Variants in CNTNAP5 observed in about 807,000 individuals in gnomAD.
CNTNAP5 encodes contactin-associated protein-like 5.
CNTNAP5 carries 72 observed loss-of-function variants against 150.2 expected under a neutral mutation model. The ratio of observed to expected loss-of-function variants is 0.48; its 90% CI spans 0.40 to 0.58. The LOEUF is 0.58. Ranked by LOEUF, CNTNAP5 falls within the 20% of genes least tolerant of loss-of-function variation. The probability of loss-of-function intolerance (pLI) is 0.00; values close to 1 mark genes in which losing one functional copy is unlikely to be tolerated. For synonymous variants in CNTNAP5, 672 were observed against 619.8 expected, an observed-to-expected ratio of 1.08 and a Z score of -1.25; for missense variants, 1,636 against 1,626.2, an observed-to-expected ratio of 1.01 and a Z score of -0.10.
At chr2:124,518,326 T>C (rs1209624189) in intron 8 of CNTNAP5, among the ~76,000 whole-genome samples, 1 of 152,188 alleles carries the variant, frequency 6.6e-6, no homozygotes, top group East Asian at 1.9e-4. Flanking sequence ...GTAATAACAA[T>C]TGACTAGAAT....
chr2:124,420,426 A>T (rs1194404420), intron 4 of CNTNAP5, among the ~76,000 whole-genome samples: 1 of 151,816 alleles, frequency 6.6e-6, no homozygotes, highest in Non-Finnish European at 1.5e-5. Context: ...TCTCTCTAAA[A>T]CTTCTCTTTA....
intron 1 of CNTNAP5, among the ~76,000 whole-genome samples, chr2:124,181,947 A>G (rs1685220000): frequency 1.3e-5 from 2 of 152,134 alleles, no homozygotes; most frequent in Admixed American, 6.5e-5. Flanking sequence ...TGGATCTAAG[A>G]TATGTTGAGA....
At chr2:124,160,257 G>A (rs954745809) in intron 1 of CNTNAP5, among the ~76,000 whole-genome samples, 1 of 152,166 alleles carries the variant, frequency 6.6e-6, no homozygotes, top group Non-Finnish European at 1.5e-5. Flanking sequence ...GGCAAAGAAA[G>A]AGAATATTAT....
At chr2:124,532,390 TTCAAAGAG>T (rs1695130675) in intron 10 of CNTNAP5, among the ~76,000 whole-genome samples, 2 of 152,070 alleles carry the variant, frequency 1.3e-5, no homozygotes, top group Admixed American at 6.6e-5. Context: ...GTGAGCCAGG[TTCAAAGAG>T]TCTCTGCCCC....
intron 3 of CNTNAP5, among the ~76,000 whole-genome samples, chr2:124,403,122 G>C (rs926935482): frequency 3.9e-5 from 6 of 152,180 alleles, no homozygotes; most frequent in Admixed American, 6.5e-5. Flanking sequence ...ACTTTAGTTT[G>C]TACTCTTCTG....
At chr2:124,610,735 C>A (rs186358391) in intron 12 of CNTNAP5, among the ~76,000 whole-genome samples, 2 of 152,186 alleles carry the variant, frequency 1.3e-5, no homozygotes, top group African/African-American at 4.8e-5. Flanking sequence ...CCTAGGCAGG[C>A]AGACCACGAG....
chr2:124,374,101 G>T (rs562761703), intron 3 of CNTNAP5, among the ~76,000 whole-genome samples: 1 of 152,010 alleles, frequency 6.6e-6, no homozygotes. Context: ...TTGTAATAAA[G>T]AGACTGGTAC....
intron 6 of CNTNAP5, among the ~76,000 whole-genome samples, chr2:124,453,107 C>A: frequency 6.6e-6 from 1 of 151,092 alleles, no homozygotes; most frequent in Middle Eastern, 3.2e-3. Context: ...AGTCAAAGCC[C>A]AACATAAGGA....
intron 17 of CNTNAP5, among the ~76,000 whole-genome samples, chr2:124,776,621 A>G (rs1168327041): frequency 2.6e-5 from 4 of 152,150 alleles, no homozygotes; most frequent in Admixed American, 6.6e-5. Context: ...AGTAACTTAT[A>G]TTTTATGCTT....
In CNTNAP5 at chr2:124,517,559, A is replaced by G. The variant is rs555709944; in HGVS notation, c.1328-6744A>G. 5.6e-5 allele frequency among the ~76,000 whole-genome samples: 8 copies of G among 142,916 alleles called. No homozygotes were observed. The South Asian group carries it at 1.2e-3, about 22-fold the overall frequency. 93.8% of individuals were successfully genotyped at this position (142,916 alleles called of 152,430 possible). On this transcript the variant is annotated intron_variant, in intron 8 of 23. Coordinates refer to ENST00000682447, the MANE Select transcript of CNTNAP5 (RefSeq NM_001367498.1). The stretch of plus-strand genomic sequence containing the variant: ...GTGATGGAGGGTTGTAGTGTTGGTG[A>G]TGGAGGGTTGTGGTGTTGGTGATGG...
chr2:124,278,848 G>A (rs1160605745), intron 3 of CNTNAP5, among the ~76,000 whole-genome samples: 1 of 151,986 alleles, frequency 6.6e-6, no homozygotes, highest in Non-Finnish European at 1.5e-5. Flanking sequence ...TGTGTCCTAA[G>A]TTCAGTATGA....
chr2:124,597,098 T>C (rs1184004389), intron 11 of CNTNAP5, among the ~76,000 whole-genome samples: 3 of 150,880 alleles, frequency 2.0e-5, no homozygotes, highest in African/African-American at 7.3e-5. Context: ...CTTTATCCAA[T>C]TTGCCAGTCT....
At chr2:124,713,243 C>CTCTTTCTTTCTTTCTT (rs869162372) in intron 13 of CNTNAP5, among the ~76,000 whole-genome samples, 3 of 65,192 alleles carry the variant, frequency 4.6e-5, no homozygotes, top group African/African-American at 1.7e-4. Flanking sequence ...TTCTTTCTTT[C>CTCTTTCTTTCTTTCTT]TCTTTCTTTC....
intron 13 of CNTNAP5, among the ~76,000 whole-genome samples, chr2:124,657,287 C>T (rs72845040): frequency 0.021 from 3,229 of 152,266 alleles, 43 homozygotes; most frequent in Middle Eastern, 0.037. Flanking sequence ...TTCCTCTCCC[C>T]ATTTCTGCCA....
intron 17 of CNTNAP5, among the ~76,000 whole-genome samples, chr2:124,785,041 G>GAAAAAAAAAAAAAAA (rs67254743): frequency 1.6e-5 from 2 of 123,516 alleles, no homozygotes; most frequent in Non-Finnish European, 3.3e-5. Context: ...TTAAGGCTGA[G>GAAAAAAAAAAAAAAA]AAAAAAAAAA....
intron 2 of CNTNAP5, among the ~76,000 whole-genome samples, chr2:124,240,567 T>TA (rs889976919): frequency 3.9e-5 from 6 of 152,012 alleles, no homozygotes; most frequent in African/African-American, 1.2e-4. Flanking sequence ...ACTGTATTCA[T>TA]AAAAAACACT....
At chr2:124,193,680 G>T (rs1447191270) in intron 1 of CNTNAP5, among the ~76,000 whole-genome samples, 1 of 152,166 alleles carries the variant, frequency 6.6e-6, no homozygotes, top group South Asian at 2.1e-4. Flanking sequence ...CACTGGACAA[G>T]GAGGGAGCGA....
rs999353993 is a variant in CNTNAP5 at position 124,917,623 on chromosome 2, G to T, written c.*3335G>T. On this transcript the variant is annotated 3_prime_UTR_variant, in exon 24 of 24. Coordinates refer to ENST00000682447, the MANE Select transcript of CNTNAP5 (RefSeq NM_001367498.1). ...GGTATTAACTTGACTTCTACCTTTT[G>T]TCAGACTCATCTCCACCAACGGGTA... is the stretch of plus-strand genomic sequence containing the variant. Among the ~76,000 whole-genome samples, 5 of 152,010 alleles carry T rather than the reference G, an allele frequency of 3.3e-5. No homozygotes were observed. The highest frequency in any genetic ancestry group is 1.2e-4 in the African/African-American group (5 of 41,420).
chr2:124,729,039 C>A (rs1337888329), intron 13 of CNTNAP5, among the ~76,000 whole-genome samples: 1 of 152,046 alleles, frequency 6.6e-6, no homozygotes, highest in African/African-American at 2.4e-5. Flanking sequence ...AAGGGCCTTT[C>A]ATGGAATTAT....
Sources: allele counts gnomAD v4.1 joint callset (sites outside exome capture counted in the v4.1 genomes callset), GRCh38; gene constraint gnomAD v4.1.1; transcripts MANE v1.5; gene names NCBI Gene and HGNC (gene_info 2026-07-23, HGNC 2026-07-21).